Variants in STXBP4 observed in about 807,000 individuals in gnomAD.
STXBP4 encodes the protein syntaxin-binding protein 4.
In STXBP4, 55 loss-of-function variants were observed where a neutral mutation model predicts 76.1. That is an observed-to-expected ratio of 0.72 (90% CI 0.58 to 0.91). The LOEUF (loss-of-function observed/expected upper bound fraction) is 0.91, where lower values mean the gene tolerates loss of function less well. STXBP4 is among the 40% of genes least tolerant of loss of function. The probability of loss-of-function intolerance (pLI) is 0.00; values close to 1 mark genes in which losing one functional copy is unlikely to be tolerated. For missense variants in STXBP4, 618 were observed against 636.9 expected (o/e 0.97, Z 0.32); for synonymous variants, 201 against 220.2 (o/e 0.91, Z 0.77).
At chr17:55,014,133 T>C (rs1046776468) in intron 8 of STXBP4, among the ~76,000 whole-genome samples, 1 of 152,102 alleles carries the variant, frequency 6.6e-6, no homozygotes, top group Non-Finnish European at 1.5e-5. Flanking sequence ...TCCTTAACAA[T>C]TTTTTTGAGT....
At chr17:55,076,237 A>G (rs1447770975) in intron 13 of STXBP4, among the ~76,000 whole-genome samples, 1 of 152,110 alleles carries the variant, frequency 6.6e-6, no homozygotes, top group Non-Finnish European at 1.5e-5. Flanking sequence ...CAAATTAGAC[A>G]TTGATTATTT....
intron 12 of STXBP4, among the ~76,000 whole-genome samples, chr17:55,071,851 A>G (rs1051946378): frequency 6.6e-6 from 1 of 152,208 alleles, no homozygotes; most frequent in South Asian, 2.1e-4. Flanking sequence ...AATATTAGCC[A>G]TGGCAATTGG....
intron 13 of STXBP4, among the ~76,000 whole-genome samples, chr17:55,075,650 A>G (rs2079173248): frequency 6.6e-6 from 1 of 152,128 alleles, no homozygotes; most frequent in South Asian, 2.1e-4. Context: ...AATAAGAATT[A>G]TTGTTTACCC....
Position 55,071,515 on chromosome 17 carries a change from C to T in STXBP4, c.1012-1385C>T, listed in dbSNP as rs560364057. On this transcript the variant is annotated intron_variant, in intron 12 of 17. Transcript: ENST00000376352. ...GGAAATCCTAACTCCATTCCTCCTG[C>T]AGGTCTCTGGTCAGTTATCTTTTCA... Among the ~76,000 whole-genome samples, 3 of 152,280 alleles carry T rather than the reference C, an allele frequency of 2.0e-5. No homozygotes were observed. In the East Asian group the frequency reaches 5.8e-4, roughly 29 times the overall value.
At chr17:55,159,198 AT>A (rs2080312865) in intron 17 of STXBP4, among the ~76,000 whole-genome samples, 1 of 152,194 alleles carries the variant, frequency 6.6e-6, no homozygotes, top group South Asian at 2.1e-4. Context: ...GTGATCTGAG[AT>A]TGTGCAGCTG....
the STXBP4 span, among the ~76,000 whole-genome samples, chr17:55,185,679 T>G: frequency 6.6e-6 from 1 of 152,292 alleles, no homozygotes; most frequent in Non-Finnish European, 1.5e-5. Flanking sequence ...AGATGAGTAC[T>G]GGGCAGTGAC....
chr17:55,019,326 CTT>C, intron 8 of STXBP4, among the ~76,000 whole-genome samples: 1 of 152,112 alleles, frequency 6.6e-6, no homozygotes, highest in East Asian at 1.9e-4. Flanking sequence ...TATGTCTTCT[CTT>C]GCTATTCTTT....
chr17:55,076,964 A>G (rs1426618939), intron 13 of STXBP4, among the ~76,000 whole-genome samples: 1 of 152,150 alleles, frequency 6.6e-6, no homozygotes, highest in Non-Finnish European at 1.5e-5. Context: ...TAGTTATGTT[A>G]CATTTTTATT....
chr17:55,083,965 G>A (rs1427599028), intron 16 of STXBP4, among the ~76,000 whole-genome samples: 1 of 152,164 alleles, frequency 6.6e-6, no homozygotes, highest in African/African-American at 2.4e-5. Flanking sequence ...ATAGTCAGAA[G>A]TTATTATTGT....
intron 16 of STXBP4, among the ~76,000 whole-genome samples, chr17:55,090,345 G>T (rs1441594679): frequency 6.6e-6 from 1 of 152,000 alleles, no homozygotes; most frequent in Non-Finnish European, 1.5e-5. Context: ...GAGTTGGCAC[G>T]ACAGCTTCAG....
the STXBP4 span, among the ~76,000 whole-genome samples, chr17:55,182,359 C>T: frequency 1.3e-5 from 2 of 151,858 alleles, no homozygotes; most frequent in Non-Finnish European, 2.9e-5. Context: ...CAGTTAGGCA[C>T]AACTTAAAAC....
chr17:55,183,411 C>CTT, the STXBP4 span, among the ~76,000 whole-genome samples: 1 of 152,028 alleles, frequency 6.6e-6, no homozygotes, highest in South Asian at 2.1e-4. Flanking sequence ...GACAGCAAGA[C>CTT]CCAGTCTCTA....
chr17:55,057,195 A>G (rs1056256334), intron 12 of STXBP4, among the ~76,000 whole-genome samples: 1 of 152,248 alleles, frequency 6.6e-6, no homozygotes, highest in African/African-American at 2.4e-5. Flanking sequence ...ACTGAATAAT[A>G]GATGCACCTT....
intron 8 of STXBP4, among the ~76,000 whole-genome samples, chr17:55,028,287 AAGG>A (rs1489648950): frequency 6.6e-6 from 1 of 152,166 alleles, no homozygotes; most frequent in Non-Finnish European, 1.5e-5. Context: ...TGATTATCAG[AAGG>A]AGAATGCTTT....
intron 4 of STXBP4, among the ~76,000 whole-genome samples, chr17:54,992,587 G>A (rs755747008): frequency 6.6e-6 from 1 of 151,726 alleles, no homozygotes; most frequent in Non-Finnish European, 1.5e-5. Flanking sequence ...AAGCTGAGAG[G>A]TGTGTGTGAG....
At chr17:55,069,902 T>C (rs1179376996) in intron 12 of STXBP4, among the ~76,000 whole-genome samples, 3 of 152,178 alleles carry the variant, frequency 2.0e-5, no homozygotes, top group South Asian at 2.1e-4. Context: ...TTATTCTTCA[T>C]TGCAGCTATG....
chr17:55,179,663 TGATGAA>T, the STXBP4 span, among the ~76,000 whole-genome samples: 39 of 152,288 alleles, frequency 2.6e-4, no homozygotes, highest in Admixed American at 9.2e-4. Context: ...AATATGAAGA[TGATGAA>T]GATGAAGATC....
At chr17:55,012,857 C>A (rs1367879416) in intron 8 of STXBP4, among the ~76,000 whole-genome samples, 1 of 152,184 alleles carries the variant, frequency 6.6e-6, no homozygotes, top group African/African-American at 2.4e-5. Flanking sequence ...AAGGTCCCCT[C>A]GAGTGGCATA....
intron 17 of STXBP4, among the ~76,000 whole-genome samples, chr17:55,159,086 A>G (rs2080311353): frequency 6.6e-6 from 1 of 152,098 alleles, no homozygotes; most frequent in Admixed American, 6.5e-5. Flanking sequence ...CTCTACTAAT[A>G]ATACAAAAAT....
Sources: allele counts gnomAD v4.1 joint callset (sites outside exome capture counted in the v4.1 genomes callset), GRCh38; gene constraint gnomAD v4.1.1; transcripts MANE v1.5; gene names NCBI Gene and HGNC (gene_info 2026-07-23, HGNC 2026-07-21).